The following ADRA1A variants were observed in gnomAD, a reference collection of about 807,000 sequenced individuals.
The protein encoded by ADRA1A is adrenoceptor alpha 1A, also known as alpha-1A adrenergic receptor.
ADRA1A carries 31 observed loss-of-function variants against 29.6 expected under a neutral mutation model. The ratio of observed to expected loss-of-function variants is 1.05; its 90% CI spans 0.79 to 1.41. The LOEUF (loss-of-function observed/expected upper bound fraction) is 1.41. Ranked by LOEUF, ADRA1A falls within the 40% of genes most tolerant of loss-of-function variation. The pLI is 0.00. For synonymous variants in ADRA1A, 311 were observed against 254.3 expected, an observed-to-expected ratio of 1.22 and a Z score of -2.12; for missense variants, 619 against 601.1, an observed-to-expected ratio of 1.03 and a Z score of -0.31.
chr8:26,770,467 G>A lies in ADRA1A; in HGVS notation c.1083C>T (p.His361=), dbSNP rs140157368. The change falls in exon 3 of 3, where the codon CAC becomes CAT. Residue 361 remains histidine, a synonymous_variant. Transcript: ENST00000380573. The stretch of plus-strand genomic sequence containing the variant: ...GCCCTTCCACGGCCTGGCTGGGCGG[G>A]TGCAGGGTGTAGCCCAGGGCATGTT... ...SSKHALGYTL[H]PPSQAVEGQH... 7.7e-5 allele frequency: 124 copies of A among 1,614,198 alleles called. No individual in the cohort carries two copies. The African/African-American group carries it at 1.5e-3, about 20-fold the overall frequency.
chr8:26,848,515 A>G lies in ADRA1A; in HGVS notation c.883+15572T>C, dbSNP rs765182873. On this transcript the variant is annotated intron_variant, in intron 2 of 2. Transcript: ENST00000380573. This position sits in a 1 kb window ranked among gnomAD's most constrained non-coding sequence, Gnocchi z 4.3. ...CAACCATCTGTGACCTAGCAGGAGA[A>G]CCCTCACCAAGAGCCTGACAATGCT... Among the ~76,000 whole-genome samples the G allele has an allele frequency of 6.6e-6, 1 of 152,106 alleles. No homozygotes were observed. Among genetic ancestry groups the G allele is most frequent in the Non-Finnish European group, 1.5e-5 (1 of 68,012 alleles).
intron 2 of ADRA1A, among the ~76,000 whole-genome samples, chr8:26,751,302 A>C (rs1232011207): frequency 6.6e-6 from 1 of 151,832 alleles, no homozygotes; most frequent in Non-Finnish European, 1.5e-5. Flanking sequence ...GTGAGTACGA[A>C]AAAAGTATTT....
At chr8:26,811,186 CTTTCT>C (rs1409948046) in intron 2 of ADRA1A, among the ~76,000 whole-genome samples, 2 of 143,670 alleles carry the variant, frequency 1.4e-5, no homozygotes, top group Non-Finnish European at 3.0e-5. Context: ...GTCTAGCTTT[CTTTCT>C]TTTCTTTTTT....
At position 26,787,198 on chromosome 8, in the gene ADRA1A, T is replaced by A. The variant is rs1297354099; in HGVS notation, c.884-16532A>T. Among the ~76,000 whole-genome samples, 1 of 152,146 alleles carries A rather than the reference T, an allele frequency of 6.6e-6. No individual in the cohort carries two copies. Among genetic ancestry groups the A allele is most frequent in the Non-Finnish European group, 1.5e-5 (1 of 68,024 alleles). ...TGTCACTGCTTTGCTGGCTTTATAG[T>A]GAAAATAGTGCACAGAGCCATAGTA... is the stretch of plus-strand genomic sequence containing the variant. On this transcript the variant is annotated intron_variant, in intron 2 of 2. Coordinates refer to ENST00000380573, the MANE Select transcript of ADRA1A (RefSeq NM_000680.4). This position sits in a 1 kb window ranked among gnomAD's most constrained non-coding sequence, Gnocchi z 4.2.
intron 2 of ADRA1A, among the ~76,000 whole-genome samples, chr8:26,833,937 G>A (rs1811168616): frequency 6.6e-6 from 1 of 152,198 alleles, no homozygotes; most frequent in African/African-American, 2.4e-5. Flanking sequence ...TGAGTTATAT[G>A]TATTGAGAAG....
At position 26,831,938 on chromosome 8, in the gene ADRA1A, T is replaced by C. The variant is rs564981731; in HGVS notation, c.883+32149A>G. Among the ~76,000 whole-genome samples the C allele has an allele frequency of 2.6e-5, 4 of 152,228 alleles. No individual in the cohort carries two copies. In the East Asian group the frequency reaches 7.7e-4, roughly 29 times the overall value. On this transcript the variant is annotated intron_variant, in intron 2 of 2. Coordinates refer to ENST00000380573, the MANE Select transcript of ADRA1A (RefSeq NM_000680.4). The surrounding 1 kb of genome is among the most constrained non-coding windows in gnomAD (Gnocchi z 5.2). Reference sequence around the variant, plus strand: ...CCTAAGAGACACCTGGGCCTGGCCGTGTGGTTTGTAGGCTGGAGTGGGGAC... The same window carrying C: ...CCTAAGAGACACCTGGGCCTGGCCGCGTGGTTTGTAGGCTGGAGTGGGGAC...
At chr8:26,752,579 G>T (rs1276488493), downstream of ADRA1A, among the ~76,000 whole-genome samples, 10 of 152,174 alleles carry the variant, frequency 6.6e-5, no homozygotes, top group Non-Finnish European at 1.3e-4. Context: ...TGTTAGAAAA[G>T]AAATTATTTT....
intron 2 of ADRA1A, among the ~76,000 whole-genome samples, chr8:26,817,170 C>G (rs987178968): frequency 6.6e-6 from 1 of 151,982 alleles, no homozygotes; most frequent in Non-Finnish European, 1.5e-5. Flanking sequence ...ATATACAAAA[C>G]CATCAAACGA....
chr8:26,800,469 A>G (rs1381560770), intron 2 of ADRA1A, among the ~76,000 whole-genome samples: 2 of 152,160 alleles, frequency 1.3e-5, no homozygotes, highest in African/African-American at 4.8e-5. Flanking sequence ...GTAATTGAAT[A>G]CCTATATGCC....
chr8:26,768,459 C>T (rs1405268482), downstream of ADRA1A, among the ~76,000 whole-genome samples: 2 of 152,276 alleles, frequency 1.3e-5, no homozygotes, highest in Non-Finnish European at 2.9e-5. Context: ...CCATCTTCAT[C>T]CTTAGTAATC....
downstream of ADRA1A, among the ~76,000 whole-genome samples, chr8:26,764,300 CCCTG>C (rs1805660512): frequency 6.6e-6 from 1 of 152,168 alleles, no homozygotes. Context: ...GAGCCTCCTG[CCCTG>C]CCTATTTCCT....
At chr8:26,749,195 A>G (rs1804816511) in intron 2 of ADRA1A, among the ~76,000 whole-genome samples, 1 of 152,196 alleles carries the variant, frequency 6.6e-6, no homozygotes, top group African/African-American at 2.4e-5. Context: ...ATATCAAACT[A>G]TAACTTTCCA....
At chr8:26,852,198 A>T (rs1207544446) in intron 2 of ADRA1A, among the ~76,000 whole-genome samples, 6 of 152,222 alleles carry the variant, frequency 3.9e-5, no homozygotes, top group Non-Finnish European at 1.5e-5. Flanking sequence ...AGGCAGACTG[A>T]TTGGATGACA....
At chr8:26,756,296 CT>C (rs1805161102), downstream of ADRA1A, 2 of 520,374 alleles carry the variant, frequency 3.8e-6, no homozygotes, top group African/African-American at 2.0e-5. Context: ...GTACAGTATA[CT>C]TGATGAATAC....
intron 2 of ADRA1A, among the ~76,000 whole-genome samples, chr8:26,790,731 A>G (rs976935233): frequency 2.0e-5 from 3 of 152,180 alleles, no homozygotes; most frequent in Non-Finnish European, 4.4e-5. Flanking sequence ...TATAATATGT[A>G]TGGTTATTTT....
chr8:26,786,682 C>T (rs1807411920), intron 2 of ADRA1A, among the ~76,000 whole-genome samples: 1 of 151,906 alleles, frequency 6.6e-6, no homozygotes, highest in Non-Finnish European at 1.5e-5. Context: ...ATCACCCTTC[C>T]TCAGGGGAAA....
rs533023735 is a variant in ADRA1A, at chr8:26,842,390, T to A, written c.883+21697A>T. Among the ~76,000 whole-genome samples, 3 of 152,220 alleles carry A rather than the reference T, an allele frequency of 2.0e-5. No homozygotes were observed. The East Asian group carries it at 5.8e-4, about 29-fold the overall frequency. On this transcript the variant is annotated intron_variant, in intron 2 of 2. Transcript: ENST00000380573. The stretch of plus-strand genomic sequence containing the variant: ...CTAAAGGTTTTCTGGAACCAACTCC[T>A]CTCCCAGCCTCTCTGTCTATGGACA...
At chr8:26,757,171 C>T (rs1805217103) in intron 2 of ADRA1A, 1 of 692,958 alleles carries the variant, frequency 1.4e-6, no homozygotes, top group Non-Finnish European at 2.6e-6. Flanking sequence ...GGGCCAAGAA[C>T]CTCATCCCCG....
Position 26,848,060 on chromosome 8 carries a change from G to A in ADRA1A, c.883+16027C>T, listed in dbSNP as rs1214570179. On this transcript the variant is annotated intron_variant, in intron 2 of 2. Transcript: ENST00000380573. This position sits in a 1 kb window ranked among gnomAD's most constrained non-coding sequence, Gnocchi z 4.3. ...TGAGGACACCAGAGTGCAGAGCAAA[G>A]GGCAGGACCACGTGTGATTCCAGGG... 6.6e-6 allele frequency among the ~76,000 whole-genome samples: 1 copy of A among 152,196 alleles called. No individual in the cohort carries two copies.
Sources: allele counts gnomAD v4.1 joint callset (sites outside exome capture counted in the v4.1 genomes callset), GRCh38; gene constraint gnomAD v4.1.1; non-coding constraint Gnocchi (gnomAD v3.1); transcripts MANE v1.5; gene names NCBI Gene and HGNC (gene_info 2026-07-23, HGNC 2026-07-21).